The following RAB40C variants were observed in gnomAD, a reference collection of about 807,000 sequenced individuals.
The protein encoded by RAB40C is RAB40C, member RAS oncogene family, also known as ras-related protein Rab-40C.
RAB40C carries 8 observed loss-of-function variants against 28.1 expected under a neutral mutation model. That is an observed-to-expected ratio of 0.28 (90% CI 0.17 to 0.51). The LOEUF is 0.51. Among genes scored for constraint, RAB40C ranks in the 20% least tolerant of loss-of-function variants. RAB40C has a pLI of 0.97. For missense variants in RAB40C, 288 were observed against 405.9 expected, an observed-to-expected ratio of 0.71 and a Z score of 2.50; for synonymous variants, 201 against 171.7, an observed-to-expected ratio of 1.17 and a Z score of -1.34.
At chr16:623,591 C>G (rs1280236018) in intron 3 of RAB40C, among the ~76,000 whole-genome samples, 1 of 147,066 alleles carries the variant, frequency 6.8e-6, no homozygotes, top group South Asian at 2.2e-4. Flanking sequence ...AAGCGGAGAT[C>G]GTGCGGCTGC....
At chr16:621,742 A>C (rs1356778052) in intron 3 of RAB40C, among the ~76,000 whole-genome samples, 1 of 152,162 alleles carries the variant, frequency 6.6e-6, no homozygotes, top group African/African-American at 2.4e-5. Flanking sequence ...GGCTGACGGG[A>C]TGTGCCATCC....
At chr16:626,317 G>A (rs1019913932) in intron 5 of RAB40C, among the ~76,000 whole-genome samples, 196 bp downstream of exon 5, 1 of 152,196 alleles carries the variant, frequency 6.6e-6, no homozygotes, top group Non-Finnish European at 1.5e-5. Flanking sequence ...GCACTGGGGG[G>A]CACAGGAGCA....
At chr16:616,430 C>T (rs1479681614) in intron 1 of RAB40C, among the ~76,000 whole-genome samples, 1 of 151,724 alleles carries the variant, frequency 6.6e-6, no homozygotes, top group Non-Finnish European at 1.5e-5. Flanking sequence ...CCTCCACCTC[C>T]CAGCTTCAAG....
At chr16:602,590 G>A (rs1317653285) in intron 1 of RAB40C, among the ~76,000 whole-genome samples, 9 of 152,068 alleles carry the variant, frequency 5.9e-5, no homozygotes, top group East Asian at 5.8e-4. Context: ...CACCACGCCC[G>A]GCTAGTTTTT....
chr16:593,343 G>A (rs2036041556), intron 1 of RAB40C, among the ~76,000 whole-genome samples: 1 of 152,258 alleles, frequency 6.6e-6, no homozygotes, highest in Non-Finnish European at 1.5e-5. Flanking sequence ...TGAAAGAGTT[G>A]TAGCAGGAGC....
chr16:601,538 G>A (rs11642273), intron 1 of RAB40C, among the ~76,000 whole-genome samples: 26,670 of 152,120 alleles, frequency 0.18, 2,559 homozygotes, highest in South Asian at 0.26. Flanking sequence ...CAATGTGATC[G>A]TTGCTGGGAC....
intron 3 of RAB40C, chr16:624,738 C>A (rs981138824): frequency 3.0e-6 from 3 of 985,414 alleles, no homozygotes; most frequent in African/African-American, 1.7e-5. Flanking sequence ...TGGGGAGAGG[C>A]GGGCATAGGG....
chr16:609,874 G>T (rs115668489), intron 1 of RAB40C, among the ~76,000 whole-genome samples: 1 of 152,164 alleles, frequency 6.6e-6, no homozygotes, highest in Admixed American at 6.5e-5. Flanking sequence ...TGCCTGGAGG[G>T]GGGAGCTGAG....
At position 628,330 on chromosome 16, in the gene RAB40C, G is replaced by A. The variant is rs1409453260; in HGVS notation, c.*708G>A. The A allele has an allele frequency of 6.6e-6, 1 of 151,792 alleles. No homozygotes were observed. Among genetic ancestry groups the A allele is most frequent in the South Asian group, 2.1e-4 (1 of 4,840 alleles). The allele number at this position is 151,792 out of a possible 1,614,324, so 9.4% of individuals were successfully genotyped here. On this transcript the variant is annotated 3_prime_UTR_variant, in exon 6 of 6. Transcript: ENST00000248139. ...GGGATGAGAACCTTCCTGCTGTGAT[G>A]TGACACCTTCGGGGACATTGACCAC... is the stretch of plus-strand genomic sequence containing the variant.
At chr16:626,225 G>C in intron 5 of RAB40C, 104 bp downstream of exon 5, 1 of 1,240,988 alleles carries the variant, frequency 8.1e-7, no homozygotes, top group Non-Finnish European at 1.2e-6. Context: ...GGTTCAGGCA[G>C]GTCCCTTGGC....
intron 3 of RAB40C, among the ~76,000 whole-genome samples, chr16:620,103 A>G (rs2036680237): frequency 6.6e-6 from 1 of 152,214 alleles, no homozygotes; most frequent in South Asian, 2.1e-4. Flanking sequence ...TGCTATTGAA[A>G]GAGGAGTTGG....
intron 1 of RAB40C, among the ~76,000 whole-genome samples, chr16:602,688 C>T (rs772079882): frequency 2.0e-5 from 3 of 152,194 alleles, no homozygotes; most frequent in Non-Finnish European, 4.4e-5. Flanking sequence ...CCACCTCGGC[C>T]TCCCAAAGTG....
intron 1 of RAB40C, among the ~76,000 whole-genome samples, chr16:599,689 T>C (rs1163496956): frequency 1.4e-5 from 2 of 139,458 alleles, no homozygotes; most frequent in Non-Finnish European, 3.1e-5. Context: ...TCAGTCAGCG[T>C]GGATTCGCAA....
intron 3 of RAB40C, among the ~76,000 whole-genome samples, chr16:618,659 C>T (rs1436822500): frequency 6.7e-6 from 1 of 148,496 alleles, no homozygotes; most frequent in African/African-American, 2.5e-5. Context: ...AGTGTGTGCG[C>T]AGGTGTGGTG....
intron 1 of RAB40C, among the ~76,000 whole-genome samples, chr16:605,266 A>G (rs542253775): frequency 6.6e-6 from 1 of 152,244 alleles, no homozygotes; most frequent in Non-Finnish European, 1.5e-5. Flanking sequence ...ATTGTTTCAT[A>G]GTCCCATCAG....
rs1370180341 is a variant in RAB40C at position 598,161 on chromosome 16, C to T, written c.142+7728C>T. ...TTGGGAGGCCAAGGCAGGTGGATCA[C>T]GAGGTCAGGAGATCAAGACCATCCT... On this transcript the variant is annotated intron_variant, in intron 1 of 5. Coordinates refer to ENST00000248139, the MANE Select transcript of RAB40C (RefSeq NM_021168.5). Among the ~76,000 whole-genome samples, 4 of 151,824 alleles carry T rather than the reference C, an allele frequency of 2.6e-5. No individual in the cohort carries two copies. In the South Asian group the frequency reaches 6.2e-4, roughly 24 times the overall value.
At chr16:622,233 A>G (rs2036733783) in intron 3 of RAB40C, among the ~76,000 whole-genome samples, 1 of 152,010 alleles carries the variant, frequency 6.6e-6, no homozygotes, top group Admixed American at 6.5e-5. Context: ...TGATCAAAAA[A>G]AGGTGTAAAC....
At chr16:620,275 C>A (rs896730977) in intron 3 of RAB40C, among the ~76,000 whole-genome samples, 1 of 151,970 alleles carries the variant, frequency 6.6e-6, no homozygotes, top group African/African-American at 2.4e-5. Context: ...CGCTTATAAT[C>A]CCAGCTACTT....
chr16:598,221 A>T (rs2036173848), intron 1 of RAB40C, among the ~76,000 whole-genome samples: 1 of 152,042 alleles, frequency 6.6e-6, no homozygotes, highest in Non-Finnish European at 1.5e-5. Flanking sequence ...CTATAAAAAT[A>T]CAAAAAATTA....
Sources: gnomAD v4.1 joint callset for allele counts (sites outside exome capture counted in the v4.1 genomes callset) on GRCh38, gnomAD v4.1.1 for gene constraint, MANE v1.5 for transcripts, NCBI Gene and HGNC (gene_info 2026-07-23, HGNC 2026-07-21) for gene names.